LDLRAD4: variants seen among roughly 807,000 people sequenced by gnomAD.
LDLRAD4 encodes the protein low-density lipoprotein receptor class A domain-containing protein 4.
LDLRAD4 carries 5 observed loss-of-function variants against 17.0 expected under a neutral mutation model. The ratio of observed to expected loss-of-function variants is 0.29; its 90% CI spans 0.15 to 0.62. The LOEUF (loss-of-function observed/expected upper bound fraction) is 0.62, where lower values mean the gene tolerates loss of function less well. Ranked by LOEUF, LDLRAD4 falls within the 20% of genes least tolerant of loss-of-function variation. The probability of loss-of-function intolerance (pLI) is 0.84; values close to 1 mark genes in which losing one functional copy is unlikely to be tolerated. For synonymous variants in LDLRAD4, 168 were observed against 171.8 expected (o/e 0.98, Z 0.17); for missense variants, 340 against 424.7 (o/e 0.80, Z 1.75).
Position 13,645,103 on chromosome 18 carries a change from A to C in LDLRAD4, c.391-24A>C, listed in dbSNP as rs756593857. 6 of 1,579,658 alleles carry C rather than the reference A, an allele frequency of 3.8e-6. No homozygotes were observed. The highest frequency in any genetic ancestry group is 5.2e-6 in the Non-Finnish European group (6 of 1,161,612). The stretch of plus-strand genomic sequence containing the variant: ...TCATCATTGCGCTCAAACTGTCTTC[A>C]AGCCTCTCCTCTTTTCCTTCCAGAT... On this transcript the variant is annotated intron_variant, in intron 5 of 5. Coordinates refer to ENST00000359446, the Ensembl canonical transcript of LDLRAD4. This position sits in a 1 kb window ranked among gnomAD's most constrained non-coding sequence, Gnocchi z 5.7.
chr18:13,642,870 C>A, intron 4 of LDLRAD4: 3 of 526,960 alleles, frequency 5.7e-6, no homozygotes, highest in Non-Finnish European at 8.7e-6. Context: ...TGAAAAGGGA[C>A]GGGCTCTTTC....
chr18:13,538,422 C>A (rs2094228762), intron 3 of LDLRAD4, among the ~76,000 whole-genome samples: 1 of 151,996 alleles, frequency 6.6e-6, no homozygotes, highest in African/African-American at 2.4e-5. Flanking sequence ...TTTTTTCACC[C>A]ATTTTAAAGA....
chr18:13,325,449 C>A (rs2081468341), intron 1 of LDLRAD4, among the ~76,000 whole-genome samples: 1 of 152,166 alleles, frequency 6.6e-6, no homozygotes, highest in South Asian at 2.1e-4. Flanking sequence ...AAAACCAGCT[C>A]CCAGACCCAC....
At chr18:13,361,676 T>A (rs1001877579) in intron 1 of LDLRAD4, among the ~76,000 whole-genome samples, 2 of 152,108 alleles carry the variant, frequency 1.3e-5, no homozygotes, top group Non-Finnish European at 2.9e-5. Context: ...CCCATGCAGG[T>A]GTTAGGGCTG....
intron 3 of LDLRAD4, among the ~76,000 whole-genome samples, chr18:13,570,067 G>T (rs2094665268): frequency 6.6e-6 from 1 of 152,134 alleles, no homozygotes; most frequent in South Asian, 2.1e-4. Context: ...TTTGCAGGTG[G>T]TTTTTCTTCT....
At chr18:13,451,831 C>A (rs569444665) in intron 3 of LDLRAD4, among the ~76,000 whole-genome samples, 1 of 152,352 alleles carries the variant, frequency 6.6e-6, no homozygotes, top group African/African-American at 2.4e-5. Flanking sequence ...GCCTTCATGA[C>A]TGAATGCCTC....
rs548583954 is a variant in LDLRAD4 at position 13,390,309 on chromosome 18, C to T, written c.40+2547C>T. On this transcript the variant is annotated intron_variant, in intron 2 of 5. Coordinates refer to ENST00000359446, the Ensembl canonical transcript of LDLRAD4. ...GAGCCACAGTGTGCCGGGAGCCGTG[C>T]TCCTGCTATGTGTCCTTTGCCAGGT... Among the ~76,000 whole-genome samples the T allele has an allele frequency of 2.0e-5, 3 of 152,344 alleles. No individual in the cohort carries two copies. In the South Asian group the frequency reaches 6.2e-4, roughly 32 times the overall value.
intron 2 of LDLRAD4, among the ~76,000 whole-genome samples, chr18:13,388,909 G>T (rs966556783): frequency 1.3e-5 from 2 of 152,216 alleles, no homozygotes; most frequent in Admixed American, 6.5e-5. Flanking sequence ...TGCCTTCCCC[G>T]AGTTGTGGGA....
In LDLRAD4 at chr18:13,380,862, G is replaced by C. The variant is rs571906290; in HGVS notation, c.-382-6479G>C. 2.0e-5 allele frequency among the ~76,000 whole-genome samples: 3 copies of C among 152,226 alleles called. No individual in the cohort carries two copies. The East Asian group carries it at 5.8e-4, about 29-fold the overall frequency. On this transcript the variant is annotated intron_variant, in intron 1 of 5. Coordinates refer to ENST00000359446, the Ensembl canonical transcript of LDLRAD4. ...AACCAGATCCCACTGAGCTACCCAGGGTGAGGATGGCTTGGAGGTTGTGTT... is the reference window on the plus strand; with the variant it reads ...AACCAGATCCCACTGAGCTACCCAGCGTGAGGATGGCTTGGAGGTTGTGTT...
chr18:13,259,680 A>C (rs1598949949), intron 1 of LDLRAD4, among the ~76,000 whole-genome samples: 2 of 151,818 alleles, frequency 1.3e-5, no homozygotes, highest in African/African-American at 2.4e-5. Flanking sequence ...TCTCCCCTAT[A>C]ATCCATCCCT....
intron 3 of LDLRAD4, chr18:13,490,653 C>T (rs1214147459): frequency 2.0e-5 from 3 of 152,102 alleles, no homozygotes; most frequent in African/African-American, 7.2e-5. Flanking sequence ...TATTTTTTTA[C>T]CTCAATAAAA....
At chr18:13,584,618 T>C (rs113127368) in intron 3 of LDLRAD4, among the ~76,000 whole-genome samples, 3,534 of 152,278 alleles carry the variant, frequency 0.023, 44 homozygotes, top group Middle Eastern at 0.031. Flanking sequence ...ACCTGTCTTT[T>C]CTCATACTCA....
rs186928824 is a variant in LDLRAD4, at chr18:13,324,168, C to T, written c.-383+45980C>T. 2.6e-4 allele frequency among the ~76,000 whole-genome samples: 39 copies of T among 150,646 alleles called. No homozygotes were observed. The East Asian group carries it at 6.4e-3, about 25-fold the overall frequency. On this transcript the variant is annotated intron_variant, in intron 1 of 5. Transcript: ENST00000359446. ...TTTTTTTTTTTTTGAGACGGAGTCT[C>T]GCTCTGTCGCCCAGGCTGAAGTGCA...
chr18:13,256,592 G>T (rs2043516822), intron 1 of LDLRAD4, among the ~76,000 whole-genome samples: 1 of 152,256 alleles, frequency 6.6e-6, no homozygotes, highest in Non-Finnish European at 1.5e-5. Context: ...TCCCAGGAAT[G>T]CCAGCAGGTG....
At chr18:13,240,108 T>G (rs1466080240) in intron 1 of LDLRAD4, 3 of 152,254 alleles carry the variant, frequency 2.0e-5, no homozygotes, top group Non-Finnish European at 4.4e-5. Context: ...CATTGCACAT[T>G]AGTTAAATAA....
intron 1 of LDLRAD4, among the ~76,000 whole-genome samples, chr18:13,252,961 G>A (rs1429212991): frequency 6.6e-6 from 1 of 152,234 alleles, no homozygotes; most frequent in Non-Finnish European, 1.5e-5. Context: ...CGAGGCTTCT[G>A]TGAGCAGATG....
intron 1 of LDLRAD4, among the ~76,000 whole-genome samples, chr18:13,260,614 T>G (rs544244787): frequency 6.6e-6 from 1 of 152,278 alleles, no homozygotes; most frequent in Non-Finnish European, 1.5e-5. Flanking sequence ...CAGCCGACTA[T>G]TTCCTTTTTC....
At chr18:13,255,224 C>T (rs1011949993) in intron 1 of LDLRAD4, among the ~76,000 whole-genome samples, 3 of 152,200 alleles carry the variant, frequency 2.0e-5, no homozygotes, top group Admixed American at 2.0e-4. Context: ...GCTCCACACC[C>T]AGCAGGTGCT....
At chr18:13,509,750 GTCAA>G (rs1172770155) in intron 3 of LDLRAD4, among the ~76,000 whole-genome samples, 2 of 152,202 alleles carry the variant, frequency 1.3e-5, no homozygotes, top group Non-Finnish European at 2.9e-5. Context: ...CAAAGGAAGA[GTCAA>G]TCAATGAGGC....
Sources: gnomAD v4.1 joint callset for allele counts (sites outside exome capture counted in the v4.1 genomes callset) on GRCh38, gnomAD v4.1.1 for gene constraint, Gnocchi (gnomAD v3.1) non-coding constraint, MANE v1.5 for transcripts, NCBI Gene and HGNC (gene_info 2026-07-23, HGNC 2026-07-21) for gene names.